CD4: variants seen among roughly 807,000 people sequenced by gnomAD.
The protein encoded by CD4 is CD4 molecule.
In CD4, 25 loss-of-function variants were observed where a neutral mutation model predicts 50.5. The ratio of observed to expected loss-of-function variants is 0.49; its 90% CI spans 0.36 to 0.69. The LOEUF (loss-of-function observed/expected upper bound fraction) is 0.69, where lower values mean the gene tolerates loss of function less well. Ranked by LOEUF, CD4 falls within the 30% of genes least tolerant of loss-of-function variation. CD4 has a pLI of 0.00. For synonymous variants in CD4, 207 were observed against 221.9 expected (o/e 0.93, Z 0.60); for missense variants, 456 against 548.5 (o/e 0.83, Z 1.68).
At chr12:6,805,224 AAAGAAAAAG>A (rs1942703025) in intron 3 of CD4, among the ~76,000 whole-genome samples, 1 of 150,656 alleles carries the variant, frequency 6.6e-6, no homozygotes, top group African/African-American at 2.4e-5. Flanking sequence ...AAAGAAAAGA[AAAGAAAAAG>A]AAAGAGAGAA....
At chr12:6,811,038 G>A (rs1311579993) in intron 3 of CD4, among the ~76,000 whole-genome samples, 1 of 152,066 alleles carries the variant, frequency 6.6e-6, no homozygotes, top group South Asian at 2.1e-4. Context: ...GAAGAGGACT[G>A]TGTGGTCTGG....
intron 3 of CD4, among the ~76,000 whole-genome samples, chr12:6,811,519 G>T: frequency 8.4e-6 from 1 of 118,676 alleles, no homozygotes; most frequent in Admixed American, 1.0e-4. Context: ...TTGAGACAGA[G>T]TCTCACTCTG....
rs1591561693 is a variant in CD4, at chr12:6,814,603, A to AGGG, written c.374-155_374-153dup. ...GGAAAGAAGAGAGAGAGGAGGGGAG[A>AGGG]GGGAAACCCTATCTTGGCTGGGGGT... On this transcript the variant is annotated intron_variant, in intron 4 of 9. Coordinates refer to ENST00000011653, the MANE Select transcript of CD4 (RefSeq NM_000616.5). The AGGG allele has an allele frequency of 6.8e-6, 5 of 734,696 alleles. No homozygotes were observed. The East Asian group carries it at 1.3e-4, about 19-fold the overall frequency. 45.5% of individuals were successfully genotyped at this position (734,696 alleles called of 1,614,324 possible).
intron 1 of CD4, among the ~76,000 whole-genome samples, chr12:6,791,032 G>A (rs913429140): frequency 6.6e-6 from 1 of 152,200 alleles, no homozygotes; most frequent in Non-Finnish European, 1.5e-5. Context: ...AGATGAAAGA[G>A]CCCCTGAGGA....
chr12:6,798,677 C>G (rs1942450839), intron 1 of CD4, among the ~76,000 whole-genome samples: 1 of 152,152 alleles, frequency 6.6e-6, no homozygotes, highest in Admixed American at 6.6e-5. Flanking sequence ...TTCTTTTCCC[C>G]ATACCTCTCA....
chr12:6,790,533 G>C (rs774967722), intron 1 of CD4, among the ~76,000 whole-genome samples: 2 of 152,204 alleles, frequency 1.3e-5, no homozygotes, highest in African/African-American at 4.8e-5. Context: ...AAACGGATTC[G>C]AAAAGAATTG....
chr12:6,803,435 C>A (rs1942623457), intron 3 of CD4, among the ~76,000 whole-genome samples: 1 of 151,686 alleles, frequency 6.6e-6, no homozygotes, highest in Non-Finnish European at 1.5e-5. Flanking sequence ...AGGTGTGAGC[C>A]ACCACGCCTG....
At position 6,817,922 on chromosome 12, in the gene CD4, C is replaced by T. The variant is rs1402964886; in HGVS notation, c.1157-499C>T. Among the ~76,000 whole-genome samples, 3 of 151,926 alleles carry T rather than the reference C, an allele frequency of 2.0e-5. No individual in the cohort carries two copies. The East Asian group carries it at 5.8e-4, about 29-fold the overall frequency. The stretch of plus-strand genomic sequence containing the variant: ...ATACTCTCACCCACACACTGTCGTA[C>T]ACGTACACTCACACACTTATACACT... On this transcript the variant is annotated intron_variant, in intron 7 of 9. Transcript: ENST00000011653.
At chr12:6,794,786 G>GTTTTTTT (rs1220016459) in intron 1 of CD4, among the ~76,000 whole-genome samples, 2 of 105,392 alleles carry the variant, frequency 1.9e-5, no homozygotes, top group Non-Finnish European at 3.8e-5. Flanking sequence ...TTTTTTTTTT[G>GTTTTTTT]TTTTTTTTTT....
At chr12:6,791,449 GA>G (rs2137825465) in intron 1 of CD4, among the ~76,000 whole-genome samples, 1 of 152,286 alleles carries the variant, frequency 6.6e-6, no homozygotes, top group South Asian at 2.1e-4. Context: ...CACTATGTTG[GA>G]CAGGCTGGCC....
intron 3 of CD4, among the ~76,000 whole-genome samples, chr12:6,812,002 A>G (rs781921068): frequency 6.6e-6 from 1 of 152,184 alleles, no homozygotes; most frequent in East Asian, 1.9e-4. Flanking sequence ...TTTTTTTTAG[A>G]GACGAGGGTC....
At chr12:6,805,201 A>G (rs1484483124) in intron 3 of CD4, among the ~76,000 whole-genome samples, 9 of 34,916 alleles carry the variant, frequency 2.6e-4, no homozygotes, top group Admixed American at 6.6e-4. Context: ...AAAAAAAAAA[A>G]AAAAAGAAAA....
At position 6,818,856 on chromosome 12, in the gene CD4, G is replaced by C. The variant is rs1943187002; in HGVS notation, c.1288G>C (p.Glu430Gln). 1.9e-6 allele frequency: 3 copies of C among 1,613,676 alleles called. No homozygotes were observed. Among genetic ancestry groups the C allele is most frequent in the Non-Finnish European group, 2.5e-6 (3 of 1,179,702 alleles). ...VRCRHRRRQAERMSQIKRLLS... is the reference protein window; with the variant it reads ...VRCRHRRRQAQRMSQIKRLLS... ...TCTTGTCCCTGGACAGCGCCAAGCA[G>C]AGCGGATGTCTCAGATCAAGAGACT... The change falls in exon 9 of 10, where the codon GAG (glutamate) becomes CAG (glutamine). Residue 430 changes from glutamate to glutamine, a missense_variant. Physicochemically the swap from Glu to Gln is conservative, Grantham distance 29. Transcript: ENST00000011653. The surrounding 1 kb of genome is among the most constrained non-coding windows in gnomAD (Gnocchi z 5.0).
At chr12:6,811,078 A>G (rs1942922633) in intron 3 of CD4, among the ~76,000 whole-genome samples, 1 of 152,046 alleles carries the variant, frequency 6.6e-6, no homozygotes, top group Admixed American at 6.6e-5. Flanking sequence ...TGAGTGACTG[A>G]ACTGGTATCC....
intron 3 of CD4, among the ~76,000 whole-genome samples, chr12:6,812,517 T>C (rs1168079965): frequency 6.6e-6 from 1 of 152,008 alleles, no homozygotes; most frequent in Non-Finnish European, 1.5e-5. Flanking sequence ...CTGTCTCTAC[T>C]GAAAATACAA....
intron 3 of CD4, among the ~76,000 whole-genome samples, chr12:6,801,298 C>T (rs1359798955): frequency 6.6e-6 from 1 of 150,672 alleles, no homozygotes; most frequent in African/African-American, 2.4e-5. Context: ...GGGCAGATCA[C>T]CGGNGGTCAG....
At position 6,818,835 on chromosome 12, in the gene CD4, G is replaced by T; in HGVS notation, c.1279-12G>T. 6.2e-7 allele frequency: 1 copy of T among 1,613,100 alleles called. No individual in the cohort carries two copies. Among genetic ancestry groups the T allele is most frequent in the South Asian group, 1.1e-5 (1 of 91,074 alleles). On this transcript the variant is annotated splice_polypyrimidine_tract_variant and intron_variant, in intron 8 of 9. Coordinates refer to ENST00000011653, the MANE Select transcript of CD4 (RefSeq NM_000616.5). This position sits in a 1 kb window ranked among gnomAD's most constrained non-coding sequence, Gnocchi z 5.0. ...TGGGACCCTCGTGACTCCCTTTCTT[G>T]TCCCTGGACAGCGCCAAGCAGAGCG... is the stretch of plus-strand genomic sequence containing the variant.
chr12:6,815,634 C>T (rs11575101), intron 5 of CD4: 17 of 938,650 alleles, frequency 1.8e-5, no homozygotes, highest in East Asian at 6.0e-5. Context: ...ATAGTGACTA[C>T]CTCGTATTAA....
intron 3 of CD4, among the ~76,000 whole-genome samples, chr12:6,808,079 C>CAAAAAAAAA (rs34876182): frequency 7.1e-5 from 5 of 70,152 alleles, no homozygotes; most frequent in African/African-American, 1.4e-4. Flanking sequence ...GGCTCTTTCT[C>CAAAAAAAAA]AAAAAAAAAA....
Sources: allele counts gnomAD v4.1 joint callset (sites outside exome capture counted in the v4.1 genomes callset), GRCh38; gene constraint gnomAD v4.1.1; non-coding constraint Gnocchi (gnomAD v3.1); transcripts MANE v1.5; gene names NCBI Gene and HGNC (gene_info 2026-07-23, HGNC 2026-07-21).